Variants in KLHL32 observed in about 807,000 individuals in gnomAD.
KLHL32 encodes the protein kelch like family member 32, also known as kelch-like protein 32.
A neutral mutation model predicts 64.8 loss-of-function variants in KLHL32; 35 were observed. The observed-to-expected ratio is 0.54, with a 90% CI of 0.41 to 0.72. The LOEUF (loss-of-function observed/expected upper bound fraction) is 0.72. Ranked by LOEUF, KLHL32 falls within the 30% of genes least tolerant of loss-of-function variation. KLHL32 has a pLI of 0.00. For missense variants in KLHL32, 589 were observed against 768.5 expected (o/e 0.77, Z 2.76); for synonymous variants, 259 against 281.0 (o/e 0.92, Z 0.78).
chr6:96,935,169 G>A (rs138556958), intron 1 of KLHL32, among the ~76,000 whole-genome samples: 3 of 152,298 alleles, frequency 2.0e-5, no homozygotes, highest in East Asian at 3.9e-4. Context: ...TCATTTTGTG[G>A]TGTGTGACTA....
chr6:97,129,610 G>A (rs1216093707), intron 8 of KLHL32, among the ~76,000 whole-genome samples: 4 of 152,066 alleles, frequency 2.6e-5, no homozygotes, highest in East Asian at 3.9e-4. Context: ...AGCAGGGTGC[G>A]GTGGTTCACA....
chr6:97,060,389 G>C (rs1788678773), intron 4 of KLHL32, among the ~76,000 whole-genome samples: 1 of 152,204 alleles, frequency 6.6e-6, no homozygotes, highest in African/African-American at 2.4e-5. Flanking sequence ...AGGAGGATGA[G>C]CTGAAGAAGG....
At chr6:97,112,716 A>G (rs946688755) in intron 6 of KLHL32, among the ~76,000 whole-genome samples, 3 of 151,870 alleles carry the variant, frequency 2.0e-5, no homozygotes, top group African/African-American at 7.3e-5. Flanking sequence ...AAGTGCTGGG[A>G]TTACAGGCGT....
intron 3 of KLHL32, among the ~76,000 whole-genome samples, chr6:96,982,452 G>A (rs557031017): frequency 2.6e-5 from 4 of 152,260 alleles, no homozygotes; most frequent in Non-Finnish European, 4.4e-5. Context: ...CATTGCATGT[G>A]AGATGGGTCT....
intron 4 of KLHL32, among the ~76,000 whole-genome samples, chr6:97,044,731 C>T (rs1785658624): frequency 6.6e-6 from 1 of 151,882 alleles, no homozygotes; most frequent in Non-Finnish European, 1.5e-5. Context: ...CTTTTTTATT[C>T]AGTCTTGCTA....
At chr6:96,961,970 G>A (rs539824262) in intron 1 of KLHL32, among the ~76,000 whole-genome samples, 3 of 152,262 alleles carry the variant, frequency 2.0e-5, no homozygotes, top group East Asian at 1.9e-4. Flanking sequence ...CGTTACTACC[G>A]TGACCCATAG....
intron 5 of KLHL32, among the ~76,000 whole-genome samples, chr6:97,080,708 G>A (rs1792366798): frequency 6.6e-6 from 1 of 152,192 alleles, no homozygotes; most frequent in African/African-American, 2.4e-5. Flanking sequence ...GGGATACAGT[G>A]GTGAACAAAC....
At chr6:97,126,920 T>A (rs1273098027) in intron 7 of KLHL32, among the ~76,000 whole-genome samples, 1 of 152,170 alleles carries the variant, frequency 6.6e-6, no homozygotes, top group Non-Finnish European at 1.5e-5. Context: ...TATATTCTAT[T>A]GGACAGCACT....
At chr6:96,958,617 G>T (rs1034663362) in intron 1 of KLHL32, among the ~76,000 whole-genome samples, 2 of 152,182 alleles carry the variant, frequency 1.3e-5, no homozygotes, top group African/African-American at 2.4e-5. Context: ...TTTAAGTAGG[G>T]CAGTGAGACG....
intron 5 of KLHL32, among the ~76,000 whole-genome samples, chr6:97,066,618 G>T (rs1286110752): frequency 1.2e-4 from 18 of 152,152 alleles, no homozygotes; most frequent in Admixed American, 1.2e-3. Flanking sequence ...ATTATTGCAA[G>T]ATGTCAAACT....
At chr6:97,130,623 A>G in intron 8 of KLHL32, 134 bp from the exon 9 acceptor site, 1 of 634,052 alleles carries the variant, frequency 1.6e-6, no homozygotes, top group Non-Finnish European at 2.6e-6. Flanking sequence ...CAATATATAT[A>G]AACAACATTC....
intron 1 of KLHL32, among the ~76,000 whole-genome samples, chr6:96,961,003 G>C (rs905153434): frequency 8.5e-5 from 13 of 152,294 alleles, no homozygotes; most frequent in African/African-American, 3.1e-4. Context: ...TTGTAAGTCA[G>C]TTGTCTCCTG....
intron 3 of KLHL32, among the ~76,000 whole-genome samples, chr6:96,990,253 A>C (rs536615643): frequency 6.6e-6 from 1 of 152,092 alleles, no homozygotes; most frequent in Admixed American, 6.5e-5. Context: ...GAGTACATTC[A>C]GTTGCCTCTT....
At position 97,139,256 on chromosome 6, in the gene KLHL32, C is replaced by T; in HGVS notation, c.1837C>T (p.Pro613Ser). ...TCPNLQTLQV[P>S]HHRIGTI is the part of the protein sequence containing the mutation. ...CCCTAACCTTCAAACTCTTCAAGTG[C>T]CTCATCACAGGATTGGCACCATCTG... The change falls in exon 11 of 11, where the codon CCT becomes TCT. Residue 613 changes from proline to serine, a missense_variant. Pro to Ser is a moderately conservative substitution (Grantham distance 74). Transcript: ENST00000369261. The T allele has an allele frequency of 6.2e-7, 1 of 1,613,886 alleles. No homozygotes were observed.
intron 7 of KLHL32, among the ~76,000 whole-genome samples, chr6:97,121,550 A>G (rs1326865191): frequency 6.6e-6 from 1 of 152,182 alleles, no homozygotes; most frequent in Non-Finnish European, 1.5e-5. Flanking sequence ...TCTAAAATAC[A>G]TTGGTGTAGA....
intron 3 of KLHL32, among the ~76,000 whole-genome samples, chr6:97,040,669 T>C (rs1303087209): frequency 2.0e-5 from 3 of 152,138 alleles, no homozygotes; most frequent in Non-Finnish European, 4.4e-5. Flanking sequence ...TACATGGCTT[T>C]GTATCCCCAC....
chr6:96,955,876 G>A (rs1288816359), intron 1 of KLHL32, among the ~76,000 whole-genome samples: 1 of 152,200 alleles, frequency 6.6e-6, no homozygotes, highest in East Asian at 1.9e-4. Context: ...GGCAGAGGTT[G>A]CAGTGAGCCA....
chr6:96,909,266 A>T, the KLHL32 span, among the ~76,000 whole-genome samples: 1 of 152,202 alleles, frequency 6.6e-6, no homozygotes, highest in African/African-American at 2.4e-5. Flanking sequence ...GACAGAAAAA[A>T]GATAGAAGAT....
At chr6:96,953,695 G>A (rs1467527769) in intron 1 of KLHL32, among the ~76,000 whole-genome samples, 1 of 151,756 alleles carries the variant, frequency 6.6e-6, no homozygotes, top group Non-Finnish European at 1.5e-5. Flanking sequence ...ATACATACAG[G>A]CTTCCCATCC....
Sources: allele counts gnomAD v4.1 joint callset (sites outside exome capture counted in the v4.1 genomes callset), GRCh38; gene constraint gnomAD v4.1.1; transcripts MANE v1.5; gene names NCBI Gene and HGNC (gene_info 2026-07-23, HGNC 2026-07-21).